Variants in TNFRSF8 observed in about 807,000 individuals in gnomAD.
TNFRSF8 encodes the protein tumor necrosis factor receptor superfamily member 8.
TNFRSF8 carries 26 observed loss-of-function variants against 70.8 expected under a neutral mutation model. The ratio of observed to expected loss-of-function variants is 0.37; its 90% CI spans 0.27 to 0.51. The LOEUF is 0.51. TNFRSF8 is among the 20% of genes least tolerant of loss of function. The pLI is 0.94. For missense variants in TNFRSF8, 720 were observed against 807.9 expected, an observed-to-expected ratio of 0.89 and a Z score of 1.32; for synonymous variants, 356 against 339.2, an observed-to-expected ratio of 1.05 and a Z score of -0.54.
rs1316975089 is a variant in TNFRSF8 at position 12,141,498 on chromosome 1, G to A, written c.1544-789G>A. On this transcript the variant is annotated intron_variant, in intron 14 of 14. Coordinates refer to ENST00000263932, the MANE Select transcript of TNFRSF8 (RefSeq NM_001243.5). The surrounding 1 kb of genome is among the most constrained non-coding windows in gnomAD (Gnocchi z 5.4). ...ATGTGCTCACAGCACAGCCATGCAC[G>A]CTGCAGGCAGGAGACCGGCTGTGAG... Among the ~76,000 whole-genome samples the A allele has an allele frequency of 1.3e-5, 2 of 152,254 alleles. No homozygotes were observed. The highest frequency in any genetic ancestry group is 4.8e-5 in the African/African-American group (2 of 41,468).
At chr1:12,095,517 A>C (rs1430972249) in intron 2 of TNFRSF8, among the ~76,000 whole-genome samples, 1 of 152,156 alleles carries the variant, frequency 6.6e-6, no homozygotes, top group Non-Finnish European at 1.5e-5. Context: ...TGAACCCCTG[A>C]CCTTATGTGA....
Position 12,112,057 on chromosome 1 carries a change from CATTTTTGAA to C in TNFRSF8, c.793+44_793+52del. ...CCCCGGGCCTCAGTTTACCTCTCTG[CATTTTTGAA>C]CCGTGAACTTCCAGTAACTACTCCC... On this transcript the variant is annotated intron_variant, in intron 7 of 14. Coordinates refer to ENST00000263932, the MANE Select transcript of TNFRSF8 (RefSeq NM_001243.5). The surrounding 1 kb of genome is among the most constrained non-coding windows in gnomAD (Gnocchi z 5.3). The C allele has an allele frequency of 6.8e-7, 1 of 1,465,554 alleles. No homozygotes were observed. The highest frequency in any genetic ancestry group is 9.5e-7 in the Non-Finnish European group (1 of 1,053,476). 90.8% of individuals were successfully genotyped at this position (1,465,554 alleles called of 1,614,324 possible).
intron 1 of TNFRSF8, among the ~76,000 whole-genome samples, chr1:12,074,779 GTGTT>G (rs145005426): frequency 0.013 from 2,017 of 152,034 alleles, 47 homozygotes; most frequent in African/African-American, 0.046. Context: ...GTGATTATTT[GTGTT>G]TGTTTGTTTG....
rs974902275 is a variant in TNFRSF8, at chr1:12,113,592, GGA to G, written c.793+1588_793+1589del. Among the ~76,000 whole-genome samples the G allele has an allele frequency of 9.1e-3, 16 of 1,764 alleles. No individual in the cohort carries two copies. Among genetic ancestry groups the G allele is most frequent in the Middle Eastern group, 0.17 (1 of 6 alleles). The allele number at this position is 1,764 out of a possible 152,430, so 1.2% of individuals were successfully genotyped here. On this transcript the variant is annotated intron_variant, in intron 7 of 14. Transcript: ENST00000263932. The surrounding 1 kb of genome is among the most constrained non-coding windows in gnomAD (Gnocchi z 4.9). ...CAGAGAGAAAGAGACAGAATGAGAG[GGA>G]GAGAGAGAGTGAGAGAGAGACAGAA...
rs747270070 is a variant in TNFRSF8 at position 12,126,193 on chromosome 1, G to A, written c.1266G>A (p.Leu422=). 3.1e-6 allele frequency: 5 copies of A among 1,614,164 alleles called. No individual in the cohort carries two copies. The highest frequency in any genetic ancestry group is 4.2e-6 in the Non-Finnish European group (5 of 1,180,036). Residue 422 remains leucine, a synonymous_variant, in exon 12 of 15, where the codon CTG becomes CTA. Coordinates refer to ENST00000263932, the MANE Select transcript of TNFRSF8 (RefSeq NM_001243.5). ...CRKRIRQKLH[L]CYPVQTSQPK... is the part of the protein sequence containing the mutation. ...CTGGTGTCGTTTCAGAGCTCCACCT[G>A]TGCTACCCGGTCCAGACCTCCCAGC... is the stretch of plus-strand genomic sequence containing the variant.
At chr1:12,070,638 A>G (rs182650658) in intron 1 of TNFRSF8, among the ~76,000 whole-genome samples, 20 of 152,198 alleles carry the variant, frequency 1.3e-4, no homozygotes, top group Admixed American at 1.2e-3. Context: ...TGTGCTTTCA[A>G]GCTAGAATCA....
rs1349397847 is a variant in TNFRSF8, at chr1:12,110,868, G to A, written c.676+664G>A. Among the ~76,000 whole-genome samples the A allele has an allele frequency of 1.7e-5, 1 of 59,840 alleles. No individual in the cohort carries two copies. The highest frequency in any genetic ancestry group is 8.4e-5 in the African/African-American group (1 of 11,960). The allele number at this position is 59,840 out of a possible 152,430, so 39.3% of individuals were successfully genotyped here. Reference sequence around the variant, plus strand: ...CCACCTCGGCCTCCCAAAGTGCTGGGAGGATTACAGGCGTGAGCCACCGCG... The same window carrying A: ...CCACCTCGGCCTCCCAAAGTGCTGGAAGGATTACAGGCGTGAGCCACCGCG... On this transcript the variant is annotated intron_variant, in intron 6 of 14. Coordinates refer to ENST00000263932, the MANE Select transcript of TNFRSF8 (RefSeq NM_001243.5). This position sits in a 1 kb window ranked among gnomAD's most constrained non-coding sequence, Gnocchi z 4.0.
chr1:12,129,689 A>T (rs1642011408), intron 12 of TNFRSF8, among the ~76,000 whole-genome samples: 1 of 152,110 alleles, frequency 6.6e-6, no homozygotes, highest in South Asian at 2.1e-4. Context: ...GGTCCCAGGA[A>T]TGATGCTGGC....
At chr1:12,107,650 A>T (rs577758193) in intron 4 of TNFRSF8, among the ~76,000 whole-genome samples, 1 of 152,254 alleles carries the variant, frequency 6.6e-6, no homozygotes, top group East Asian at 1.9e-4. Context: ...TGTGACTCGC[A>T]TATCTCTGTT....
intron 1 of TNFRSF8, among the ~76,000 whole-genome samples, chr1:12,076,598 C>T (rs1280176180): frequency 6.6e-6 from 1 of 152,162 alleles, no homozygotes. Context: ...ACCCTGGGGC[C>T]AGGCAGCATG....
At chr1:12,115,770 T>A (rs751904523) in intron 8 of TNFRSF8, 41 bp downstream of exon 8, 7 of 1,602,718 alleles carry the variant, frequency 4.4e-6, no homozygotes, top group Non-Finnish European at 6.0e-6. Flanking sequence ...CAGGGTGGAG[T>A]CTGTGCCCCC....
chr1:12,098,289 G>A (rs1267262028), intron 3 of TNFRSF8, among the ~76,000 whole-genome samples: 2 of 152,102 alleles, frequency 1.3e-5, no homozygotes, highest in South Asian at 2.1e-4. Flanking sequence ...TTTATCTGGT[G>A]TATCTTTGAA....
At chr1:12,090,870 T>G (rs775474286) in intron 2 of TNFRSF8, among the ~76,000 whole-genome samples, 2 of 152,210 alleles carry the variant, frequency 1.3e-5, no homozygotes, top group Non-Finnish European at 2.9e-5. Context: ...ATTCCTATGT[T>G]GAAGTCTTAA....
chr1:12,120,026 C>CAAA, intron 8 of TNFRSF8, among the ~76,000 whole-genome samples: 1 of 152,164 alleles, frequency 6.6e-6, no homozygotes, highest in Admixed American at 6.5e-5. Flanking sequence ...CACCCACCTC[C>CAAA]TTCTTAGTTC....
rs1010674969 is a variant in TNFRSF8, at chr1:12,141,534, C to T, written c.1544-753C>T. 3.3e-5 allele frequency among the ~76,000 whole-genome samples: 5 copies of T among 152,244 alleles called. No individual in the cohort carries two copies. The highest frequency in any genetic ancestry group is 1.2e-4 in the African/African-American group (5 of 41,460). ...GAGACCGGCTGTGAGCAGTAAGCCC[C>T]GAAATTCACGGCCTGAGCCAGGCTG... On this transcript the variant is annotated intron_variant, in intron 14 of 14. Transcript: ENST00000263932. The surrounding 1 kb of genome is among the most constrained non-coding windows in gnomAD (Gnocchi z 5.4).
intron 12 of TNFRSF8, among the ~76,000 whole-genome samples, chr1:12,133,775 G>A (rs576056790): frequency 6.9e-4 from 103 of 149,700 alleles, no homozygotes; most frequent in Non-Finnish European, 1.0e-3. Flanking sequence ...ACCCCTGGCC[G>A]GGCAAGGTGG....
chr1:12,124,883 A>AAAAC (rs1557600784), intron 10 of TNFRSF8, among the ~76,000 whole-genome samples: 15 of 132,006 alleles, frequency 1.1e-4, no homozygotes, highest in Admixed American at 4.4e-4. Flanking sequence ...CAAAACAAAC[A>AAAAC]AAACCCCCAA....
intron 14 of TNFRSF8, among the ~76,000 whole-genome samples, chr1:12,140,556 T>C (rs959031698): frequency 6.6e-6 from 1 of 152,122 alleles, no homozygotes; most frequent in African/African-American, 2.4e-5. Context: ...GTAGGCAGCC[T>C]GTGATGGGGG....
At chr1:12,071,300 G>A (rs1640841305) in intron 1 of TNFRSF8, among the ~76,000 whole-genome samples, 1 of 152,144 alleles carries the variant, frequency 6.6e-6, no homozygotes, top group Admixed American at 6.5e-5. Flanking sequence ...TTAGCCAGGT[G>A]TGGCGGTGTG....
Sources: allele counts gnomAD v4.1 joint callset (sites outside exome capture counted in the v4.1 genomes callset), GRCh38; gene constraint gnomAD v4.1.1; non-coding constraint Gnocchi (gnomAD v3.1); transcripts MANE v1.5; gene names NCBI Gene and HGNC (gene_info 2026-07-23, HGNC 2026-07-21).